The following TAFA2 variants were observed in gnomAD, a reference collection of about 807,000 sequenced individuals.
TAFA2 encodes chemokine-like protein TAFA-2.
Under a neutral mutation model 18.8 loss-of-function variants are expected in TAFA2, and 7 were observed. The ratio of observed to expected loss-of-function variants is 0.37; its 90% CI spans 0.21 to 0.70. The LOEUF is 0.70. Ranked by LOEUF, TAFA2 falls within the 30% of genes least tolerant of loss-of-function variation. The pLI, the probability that TAFA2 is intolerant of heterozygous loss-of-function variation, is 0.53. For synonymous variants in TAFA2, 60 were observed against 54.2 expected (o/e 1.11, Z -0.47); for missense variants, 122 against 158.1 (o/e 0.77, Z 1.23).
intron 1 of TAFA2, among the ~76,000 whole-genome samples, chr12:62,108,558 C>T (rs1869570604): frequency 6.6e-6 from 1 of 152,180 alleles, no homozygotes; most frequent in African/African-American, 2.4e-5. Context: ...TGAGGAATCG[C>T]CACACTGTCT....
At chr12:61,761,664 GGACACAGAAATGTTAAGA>G (rs1227480591) in intron 2 of TAFA2, among the ~76,000 whole-genome samples, 2 of 151,898 alleles carry the variant, frequency 1.3e-5, no homozygotes, top group Admixed American at 6.6e-5. Flanking sequence ...AATTTGCAAG[GGACACAGAAATGTTAAGA>G]GACACAGAAA....
intron 1 of TAFA2, among the ~76,000 whole-genome samples, chr12:62,068,020 C>A (rs1377285072): frequency 6.7e-6 from 1 of 150,008 alleles, no homozygotes; most frequent in Non-Finnish European, 1.5e-5. Context: ...AGTGTCAGAT[C>A]TTCATGTCCA....
intron 2 of TAFA2, among the ~76,000 whole-genome samples, chr12:61,814,083 GT>G (rs1320211930): frequency 2.0e-5 from 3 of 151,390 alleles, no homozygotes; most frequent in Admixed American, 2.0e-4. Flanking sequence ...CATTGCAGTT[GT>G]GACTATTTCA....
intron 1 of TAFA2, among the ~76,000 whole-genome samples, chr12:62,059,965 C>A (rs752492155): frequency 6.6e-5 from 10 of 152,104 alleles, no homozygotes; most frequent in Non-Finnish European, 1.2e-4. Context: ...TTTTGAGGAT[C>A]TGTATTAGCT....
intron 1 of TAFA2, among the ~76,000 whole-genome samples, chr12:62,010,485 T>C (rs575190890): frequency 6.6e-6 from 1 of 152,282 alleles, no homozygotes; most frequent in South Asian, 2.1e-4. Flanking sequence ...TGGAGTGCAG[T>C]GGCGTGATCT....
At position 62,002,749 on chromosome 12, in the gene TAFA2, T is replaced by C. The variant is rs368329227; in HGVS notation, c.-1-135323A>G. 2.6e-5 allele frequency among the ~76,000 whole-genome samples: 4 copies of C among 152,172 alleles called. No individual in the cohort carries two copies. In the East Asian group the frequency reaches 7.7e-4, roughly 29 times the overall value. ...TTTCTCTCTTCCAATAATCATATCA[T>C]ACTCCCTATTCTAGCTTCACATTCC... On this transcript the variant is annotated intron_variant, in intron 1 of 4. Transcript: ENST00000416284.
intron 1 of TAFA2, among the ~76,000 whole-genome samples, chr12:62,257,615 A>G (rs1392484002): frequency 6.6e-6 from 1 of 152,180 alleles, no homozygotes; most frequent in African/African-American, 2.4e-5. Flanking sequence ...TAGCCTAAGT[A>G]CTCAGCATAC....
At position 61,710,112 on chromosome 12, in the gene TAFA2, C is replaced by T. The variant is rs535813931; in HGVS notation, c.*294G>A. On this transcript the variant is annotated 3_prime_UTR_variant, in exon 5 of 5. Transcript: ENST00000416284. ...CAAAAGGTGACTGTCTCTAACATCA[C>T]CCTGAAAAAAACAACTCTTCACCAG... 2.5e-6 allele frequency: 1 copy of T among 402,232 alleles called. No individual in the cohort carries two copies. Among genetic ancestry groups the T allele is most frequent in the African/African-American group, 2.1e-5 (1 of 48,182 alleles). 24.9% of individuals were successfully genotyped at this position (402,232 alleles called of 1,614,324 possible).
At chr12:62,007,028 G>A (rs1436534138) in intron 1 of TAFA2, among the ~76,000 whole-genome samples, 1 of 152,128 alleles carries the variant, frequency 6.6e-6, no homozygotes, top group East Asian at 1.9e-4. Context: ...CATGATTGAA[G>A]GAAACTCTGG....
At chr12:61,862,580 G>T (rs1350196948) in intron 2 of TAFA2, among the ~76,000 whole-genome samples, 1 of 152,096 alleles carries the variant, frequency 6.6e-6, no homozygotes, top group African/African-American at 2.4e-5. Flanking sequence ...TTCGGTAGAG[G>T]TATTTATTTA....
At chr12:61,969,401 A>G (rs940738012) in intron 1 of TAFA2, among the ~76,000 whole-genome samples, 1 of 151,732 alleles carries the variant, frequency 6.6e-6, no homozygotes, top group Non-Finnish European at 1.5e-5. Context: ...AAATAACTAA[A>G]AAGAATCCTG....
chr12:62,251,673 TA>T (rs1297031211), intron 1 of TAFA2, among the ~76,000 whole-genome samples: 2 of 152,290 alleles, frequency 1.3e-5, no homozygotes, highest in Non-Finnish European at 2.9e-5. Context: ...AAAAAGAACT[TA>T]ACCAACCCAC....
At chr12:62,054,352 C>T (rs1882133127) in intron 1 of TAFA2, among the ~76,000 whole-genome samples, 2 of 152,142 alleles carry the variant, frequency 1.3e-5, no homozygotes, top group Admixed American at 1.3e-4. Flanking sequence ...AATGTAAAGA[C>T]TTACCCATTG....
In TAFA2 at chr12:61,945,084, G is replaced by C. The variant is rs1476262990; in HGVS notation, c.-1-77658C>G. Among the ~76,000 whole-genome samples the C allele has an allele frequency of 3.7e-3, 521 of 139,624 alleles. 2 individuals are homozygous for C. The highest frequency in any genetic ancestry group is 5.0e-3 in the Non-Finnish European group (323 of 65,136). 91.6% of individuals were successfully genotyped at this position (139,624 alleles called of 152,430 possible). On this transcript the variant is annotated intron_variant, in intron 1 of 4. Transcript: ENST00000416284. ...AAATACTGGCAAACCGAATCCAGCA[G>C]CACATCAAAAAGCTTATCCACCATG...
intron 1 of TAFA2, among the ~76,000 whole-genome samples, chr12:61,918,408 A>C (rs1262928190): frequency 6.6e-6 from 1 of 152,060 alleles, no homozygotes; most frequent in East Asian, 1.9e-4. Flanking sequence ...GAAAATGTGA[A>C]GTTTGTCTTT....
At chr12:62,207,022 T>C (rs757994756) in intron 1 of TAFA2, 1 of 152,216 alleles carries the variant, frequency 6.6e-6, no homozygotes, top group Non-Finnish European at 1.5e-5. Flanking sequence ...TCCAACTCAT[T>C]TGTTAAGGCT....
At position 62,089,128 on chromosome 12, in the gene TAFA2, C is replaced by T. The variant is rs138220228; in HGVS notation, c.-2+102131G>A. ...AGGCCACCCTGAAATAACTGTTAAA[C>T]GAAATTAACACCAAAGCTTAGTACT... On this transcript the variant is annotated intron_variant, in intron 1 of 4. Coordinates refer to ENST00000416284, the MANE Select transcript of TAFA2 (RefSeq NM_178539.5). Among the ~76,000 whole-genome samples, 571 of 152,192 alleles carry T rather than the reference C, an allele frequency of 3.8e-3. 2 individuals are homozygous for T. Among genetic ancestry groups the T allele is most frequent in the Non-Finnish European group, 6.6e-3 (447 of 67,972 alleles).
intron 2 of TAFA2, among the ~76,000 whole-genome samples, chr12:61,806,959 A>C (rs1006535403): frequency 6.6e-6 from 1 of 152,214 alleles, no homozygotes; most frequent in Non-Finnish European, 1.5e-5. Context: ...AAAAGTTTGC[A>C]AAATTTGTAG....
intron 1 of TAFA2, among the ~76,000 whole-genome samples, chr12:62,033,264 G>A (rs1384027881): frequency 6.6e-6 from 1 of 152,086 alleles, no homozygotes; most frequent in Non-Finnish European, 1.5e-5. Context: ...GCTTTTTCAT[G>A]AACATACATA....
Sources: allele counts gnomAD v4.1 joint callset (sites outside exome capture counted in the v4.1 genomes callset), GRCh38; gene constraint gnomAD v4.1.1; transcripts MANE v1.5; gene names NCBI Gene and HGNC (gene_info 2026-07-23, HGNC 2026-07-21).